The following SPOCK1 variants were observed in gnomAD, a reference collection of about 807,000 sequenced individuals.
SPOCK1 encodes the protein testican-1.
Under a neutral mutation model 55.3 loss-of-function variants are expected in SPOCK1, and 23 were observed. That is an observed-to-expected ratio of 0.42 (90% CI 0.30 to 0.59). SPOCK1 has a LOEUF of 0.59. Among genes scored for constraint, SPOCK1 ranks in the 20% least tolerant of loss-of-function variants. SPOCK1 has a pLI of 0.22. For missense variants in SPOCK1, 499 were observed against 552.5 expected, an observed-to-expected ratio of 0.90 and a Z score of 0.97; for synonymous variants, 226 against 221.0, an observed-to-expected ratio of 1.02 and a Z score of -0.20.
At chr5:137,024,314 A>AGGGGGGG (rs10692964) in intron 6 of SPOCK1, among the ~76,000 whole-genome samples, 4 of 119,216 alleles carry the variant, frequency 3.4e-5, no homozygotes, top group Non-Finnish European at 6.8e-5. Context: ...ACCAGTTTGA[A>AGGGGGGG]GGGGGGGGGG....
At chr5:137,317,159 G>A (rs968001879) in intron 2 of SPOCK1, among the ~76,000 whole-genome samples, 1 of 152,178 alleles carries the variant, frequency 6.6e-6, no homozygotes, top group Non-Finnish European at 1.5e-5. Context: ...TATCCTGGGG[G>A]AGAGTCTCTG....
At chr5:137,337,408 C>T (rs1382149291) in intron 2 of SPOCK1, among the ~76,000 whole-genome samples, 3 of 152,150 alleles carry the variant, frequency 2.0e-5, no homozygotes, top group Non-Finnish European at 2.9e-5. Context: ...ACTTCCTATG[C>T]GGCCTTCTCA....
intron 4 of SPOCK1, among the ~76,000 whole-genome samples, chr5:137,115,657 A>C (rs545214888): frequency 2.6e-5 from 4 of 152,258 alleles, no homozygotes; most frequent in Non-Finnish European, 5.9e-5. Context: ...AATGCTCTCA[A>C]TTCTAATGAA....
At chr5:137,271,600 C>A (rs1756965759) in intron 2 of SPOCK1, among the ~76,000 whole-genome samples, 1 of 152,150 alleles carries the variant, frequency 6.6e-6, no homozygotes, top group Admixed American at 6.5e-5. Context: ...GAATAAGAAC[C>A]TGAATTTTCT....
chr5:137,004,937 G>A (rs1485858115), intron 6 of SPOCK1, among the ~76,000 whole-genome samples: 3 of 152,188 alleles, frequency 2.0e-5, no homozygotes, highest in Non-Finnish European at 4.4e-5. Context: ...AACAGAAGCT[G>A]CACAGGAAAG....
At chr5:137,442,309 G>C (rs1209083829) in intron 2 of SPOCK1, among the ~76,000 whole-genome samples, 3 of 152,198 alleles carry the variant, frequency 2.0e-5, no homozygotes, top group Non-Finnish European at 4.4e-5. Flanking sequence ...AGGCAAGGAG[G>C]CTCTGACTTG....
chr5:137,480,355 G>T (rs144617495), intron 2 of SPOCK1, among the ~76,000 whole-genome samples: 1 of 142,902 alleles, frequency 7.0e-6, no homozygotes, highest in African/African-American at 2.6e-5. Flanking sequence ...TCATTCACTT[G>T]TATTACTGAA....
chr5:137,097,550 T>C (rs1753176714), intron 5 of SPOCK1, among the ~76,000 whole-genome samples: 2 of 152,056 alleles, frequency 1.3e-5, no homozygotes, highest in African/African-American at 4.8e-5. Context: ...GACAAATGGA[T>C]ATATGGTGGA....
chr5:137,131,253 T>C (rs2240225), intron 4 of SPOCK1, among the ~76,000 whole-genome samples: 44,643 of 152,068 alleles, frequency 0.29, 6,893 homozygotes, highest in African/African-American at 0.36. Context: ...AAAAGGAAAG[T>C]GATTAAAGAA....
At chr5:137,020,237 C>A in intron 6 of SPOCK1, among the ~76,000 whole-genome samples, 1 of 149,788 alleles carries the variant, frequency 6.7e-6, no homozygotes, top group South Asian at 2.1e-4. Flanking sequence ...ACAACCAAGA[C>A]AAAAAGGATA....
intron 2 of SPOCK1, among the ~76,000 whole-genome samples, chr5:137,482,126 G>T (rs527968961): frequency 6.6e-6 from 1 of 152,308 alleles, no homozygotes; most frequent in African/African-American, 2.4e-5. Context: ...AGAATAAAAA[G>T]TAGGGGAGGG....
chr5:137,025,928 G>T (rs1751665807), intron 6 of SPOCK1, among the ~76,000 whole-genome samples: 2 of 152,306 alleles, frequency 1.3e-5, no homozygotes, highest in South Asian at 4.1e-4. Context: ...CAGCTAGGGA[G>T]GTATTAACCC....
intron 6 of SPOCK1, among the ~76,000 whole-genome samples, chr5:137,054,879 C>A (rs1752273022): frequency 6.6e-6 from 1 of 152,040 alleles, no homozygotes; most frequent in African/African-American, 2.4e-5. Context: ...TAGACATAAT[C>A]CCTGCTTTCT....
At chr5:137,425,964 A>G (rs1056331513) in intron 2 of SPOCK1, among the ~76,000 whole-genome samples, 1 of 28,082 alleles carries the variant, frequency 3.6e-5, no homozygotes, top group Admixed American at 4.7e-4. Flanking sequence ...TACATTACAG[A>G]AAAAAAAAAA....
intron 2 of SPOCK1, among the ~76,000 whole-genome samples, chr5:137,333,669 T>TA (rs1359946504): frequency 6.6e-6 from 1 of 152,342 alleles, no homozygotes; most frequent in East Asian, 1.9e-4. Context: ...CAGGCACTGG[T>TA]ACTTGGCAAG....
At chr5:137,267,950 T>C (rs1474663221) in intron 2 of SPOCK1, among the ~76,000 whole-genome samples, 4 of 152,222 alleles carry the variant, frequency 2.6e-5, no homozygotes, top group Non-Finnish European at 5.9e-5. Flanking sequence ...TTGTAGTTAA[T>C]ATTCAATTGC....
intron 2 of SPOCK1, among the ~76,000 whole-genome samples, chr5:137,449,104 G>A (rs1753195217): frequency 6.6e-6 from 1 of 152,210 alleles, no homozygotes; most frequent in Non-Finnish European, 1.5e-5. Flanking sequence ...CTTGGCTTCA[G>A]CCCCCAGGAC....
At chr5:137,157,651 C>T (rs1235644040) in intron 3 of SPOCK1, among the ~76,000 whole-genome samples, 5 of 152,330 alleles carry the variant, frequency 3.3e-5, no homozygotes, top group Admixed American at 2.6e-4. Flanking sequence ...CTGTTAATCA[C>T]TTGGTCCCAA....
intron 4 of SPOCK1, among the ~76,000 whole-genome samples, chr5:137,137,603 C>T (rs1312206777): frequency 6.6e-6 from 1 of 152,196 alleles, no homozygotes; most frequent in Non-Finnish European, 1.5e-5. Context: ...CCTCCTTGGG[C>T]TTTTTCCATT....
Sources: allele counts gnomAD v4.1 joint callset (sites outside exome capture counted in the v4.1 genomes callset), GRCh38; gene constraint gnomAD v4.1.1; transcripts MANE v1.5; gene names NCBI Gene and HGNC (gene_info 2026-07-23, HGNC 2026-07-21).